Variants in ARL6IP6 observed in about 807,000 individuals in gnomAD.
The protein encoded by ARL6IP6 is ARF like GTPase 6 interacting protein 6.
Under a neutral mutation model 21.5 loss-of-function variants are expected in ARL6IP6, and 22 were observed. The observed-to-expected ratio is 1.02, with a 90% CI of 0.73 to 1.46. The LOEUF (loss-of-function observed/expected upper bound fraction) is 1.46, where lower values mean the gene tolerates loss of function less well. Among genes scored for constraint, ARL6IP6 ranks in the 40% most tolerant of loss-of-function variants. ARL6IP6 has a pLI of 0.00. For missense variants in ARL6IP6, 388 were observed against 299.8 expected (o/e 1.29, Z -2.17); for synonymous variants, 164 against 125.3 (o/e 1.31, Z -2.06).
intron 3 of ARL6IP6, among the ~76,000 whole-genome samples, chr2:152,756,456 T>A (rs1056890267): frequency 6.6e-6 from 1 of 152,198 alleles, no homozygotes; most frequent in Non-Finnish European, 1.5e-5. Flanking sequence ...CTAGCCATTT[T>A]TTAAAATATT....
chr2:152,723,061 A>G (rs1455548212), intron 2 of ARL6IP6, among the ~76,000 whole-genome samples: 1 of 152,190 alleles, frequency 6.6e-6, no homozygotes, highest in Non-Finnish European at 1.5e-5. Context: ...TCTTGAGATA[A>G]TTGATAGCTG....
At chr2:152,734,886 T>C (rs922484377) in intron 2 of ARL6IP6, 108 bp from the exon 3 acceptor site, 38 of 1,152,996 alleles carry the variant, frequency 3.3e-5, no homozygotes, top group Non-Finnish European at 4.4e-5. Flanking sequence ...CAGATCCATA[T>C]AATTTAGAAG....
rs762656287 is a variant in ARL6IP6, at chr2:152,718,838, G to T, written c.214G>T (p.Val72Leu). The part of the protein sequence containing the change: ...GAWSEPRKRS[V>L]LPPDGNGSPV... ...GTGGTCAGAGCCCAGAAAGCGCTCGGTGCTCCCGCCGGACGGGAACGGGTC... is the reference window on the plus strand; with the variant it reads ...GTGGTCAGAGCCCAGAAAGCGCTCGTTGCTCCCGCCGGACGGGAACGGGTC... The change falls in exon 1 of 4, where the codon GTG (valine) becomes TTG (leucine). Residue 72 changes from valine (V) to leucine (L), a missense_variant. Coordinates refer to ENST00000326446, the MANE Select transcript of ARL6IP6 (RefSeq NM_152522.7). 3 of 1,611,644 alleles carry T rather than the reference G, an allele frequency of 1.9e-6. No homozygotes were observed. Among genetic ancestry groups the T allele is most frequent in the East Asian group, 2.2e-5 (1 of 44,798 alleles).
chr2:152,746,643 A>T (rs1265828993), intron 3 of ARL6IP6, among the ~76,000 whole-genome samples: 1 of 152,122 alleles, frequency 6.6e-6, no homozygotes, highest in Non-Finnish European at 1.5e-5. Context: ...TGGTACCCTC[A>T]TAGGCAGTAA....
intron 3 of ARL6IP6, among the ~76,000 whole-genome samples, chr2:152,753,351 C>G (rs10931271): frequency 0.13 from 19,338 of 152,190 alleles, 1,538 homozygotes; most frequent in Middle Eastern, 0.24. Flanking sequence ...GGTAAAACAT[C>G]TCATCACCAC....
chr2:152,724,951 C>T (rs1355456595), intron 2 of ARL6IP6, among the ~76,000 whole-genome samples: 1 of 151,676 alleles, frequency 6.6e-6, no homozygotes, highest in African/African-American at 2.4e-5. Context: ...TTTGCTTTTA[C>T]GGAATCTTAG....
At chr2:152,744,915 T>G (rs1171724118) in intron 3 of ARL6IP6, among the ~76,000 whole-genome samples, 1 of 152,148 alleles carries the variant, frequency 6.6e-6, no homozygotes, top group Non-Finnish European at 1.5e-5. Context: ...TTAATTTTAG[T>G]TTGAATTAAT....
At chr2:152,734,918 A>C (rs1292698721) in intron 2 of ARL6IP6, 76 bp from the exon 3 acceptor site, 3 of 1,423,842 alleles carry the variant, frequency 2.1e-6, no homozygotes, top group African/African-American at 1.4e-5. Context: ...ACATGATCTG[A>C]ACATGAGAGT....
In ARL6IP6 at chr2:152,759,805, G is replaced by T. The variant is rs371666118; in HGVS notation, c.646G>T (p.Val216Leu). Residue 216 changes from valine (V) to leucine (L), a missense_variant, in exon 4 of 4, where the codon GTA becomes TTA. By Grantham distance (32) the Val-to-Leu change is conservative (BLOSUM62 1). Transcript: ENST00000326446. Reference protein sequence around the residue: ...GYSMAILNGIVAALTVAWCLM With the variant: ...GYSMAILNGILAALTVAWCLM ...TAGCATGGCGATTTTGAATGGCATC[G>T]TAGCTGCTCTTACTGTAGCATGGTG... 6.2e-6 allele frequency: 10 copies of T among 1,613,272 alleles called. No individual in the cohort carries two copies. The highest frequency in any genetic ancestry group is 7.6e-6 in the Non-Finnish European group (9 of 1,179,528).
intron 3 of ARL6IP6, among the ~76,000 whole-genome samples, chr2:152,737,157 A>C (rs16831728): frequency 5.9e-5 from 9 of 152,274 alleles, no homozygotes; most frequent in African/African-American, 2.2e-4. Flanking sequence ...ACTGCACCCT[A>C]TATTGTAGTC....
At chr2:152,741,578 A>G (rs953712736) in intron 3 of ARL6IP6, among the ~76,000 whole-genome samples, 2 of 152,212 alleles carry the variant, frequency 1.3e-5, no homozygotes, top group South Asian at 4.1e-4. Flanking sequence ...GTTTGGGTCA[A>G]TAATTCATAA....
intron 2 of ARL6IP6, among the ~76,000 whole-genome samples, chr2:152,727,686 A>G (rs982310027): frequency 3.9e-5 from 6 of 152,224 alleles, no homozygotes; most frequent in African/African-American, 1.2e-4. Context: ...TTGTTGTATT[A>G]CAGTCGCGTG....
At position 152,760,483 on chromosome 2, in the gene ARL6IP6, AT is replaced by A. The variant is rs1310926795; in HGVS notation, c.*650del. 6.6e-6 allele frequency: 1 copy of A among 152,014 alleles called. No homozygotes were observed. The highest frequency in any genetic ancestry group is 2.4e-5 in the African/African-American group (1 of 41,496). The allele number at this position is 152,014 out of a possible 1,614,324, so 9.4% of individuals were successfully genotyped here. ...TTACATCTAGACAACTGTAAACATT[AT>A]TTTTTTAGCTAGTGCAAACCTAGTA... On this transcript the variant is annotated 3_prime_UTR_variant, in exon 4 of 4. Coordinates refer to ENST00000326446, the MANE Select transcript of ARL6IP6 (RefSeq NM_152522.7).
chr2:152,752,998 C>T (rs1387443564), intron 3 of ARL6IP6, among the ~76,000 whole-genome samples: 5 of 152,024 alleles, frequency 3.3e-5, no homozygotes, highest in Non-Finnish European at 7.4e-5. Context: ...TTCCCTGCCT[C>T]CAGACCCTAT....
At chr2:152,718,413 C>T (rs2105054575), upstream of ARL6IP6, 2 of 597,612 alleles carry the variant, frequency 3.3e-6, no homozygotes, top group East Asian at 3.5e-5. Flanking sequence ...CGGCTACAGC[C>T]CTGGGGTCGA....
intron 3 of ARL6IP6, among the ~76,000 whole-genome samples, chr2:152,747,214 A>T (rs889097248): frequency 2.6e-5 from 4 of 152,156 alleles, no homozygotes; most frequent in African/African-American, 9.7e-5. Context: ...AAAGATTGAG[A>T]ATTAGATTTT....
chr2:152,718,757 G>A lies in ARL6IP6; in HGVS notation c.133G>A (p.Glu45Lys), dbSNP rs1328415743. ...CTGGGGTGAAGGCGAAGTCGACGAG[G>A]AGGAGGGATGCGACCAAGTGGCCCG... is the stretch of plus-strand genomic sequence containing the variant. ...DSWGEGEVDE[E>K]EGCDQVARDL... The change falls in exon 1 of 4, where the codon GAG (glutamate) becomes AAG (lysine). Residue 45 changes from glutamate to lysine, a missense_variant. Transcript: ENST00000326446. 5 of 1,610,202 alleles carry A rather than the reference G, an allele frequency of 3.1e-6. No homozygotes were observed. In the African/African-American group the frequency reaches 6.7e-5, roughly 22 times the overall value.
chr2:152,719,765 A>AAAAAAAAC (rs1559219860), intron 1 of ARL6IP6: 5 of 276,494 alleles, frequency 1.8e-5, no homozygotes, highest in Non-Finnish European at 2.9e-5. Flanking sequence ...AAAAAAAAAA[A>AAAAAAAAC]AAAAAAAAAC....
At chr2:152,730,938 A>T (rs1700280992) in intron 2 of ARL6IP6, among the ~76,000 whole-genome samples, 1 of 152,194 alleles carries the variant, frequency 6.6e-6, no homozygotes, top group Non-Finnish European at 1.5e-5. Flanking sequence ...TTACACACAT[A>T]AGTGCAAACA....
Sources: allele counts gnomAD v4.1 joint callset (sites outside exome capture counted in the v4.1 genomes callset), GRCh38; gene constraint gnomAD v4.1.1; transcripts MANE v1.5; gene names NCBI Gene and HGNC (gene_info 2026-07-23, HGNC 2026-07-21).